Variants in DAB1 observed in about 807,000 individuals in gnomAD.
DAB1 encodes disabled homolog 1.
Under a neutral mutation model 64.6 loss-of-function variants are expected in DAB1, and 15 were observed. That is an observed-to-expected ratio of 0.23 (90% CI 0.16 to 0.36). DAB1 has a LOEUF of 0.36. Ranked by LOEUF, DAB1 falls within the 10% of genes least tolerant of loss-of-function variation. The pLI, the probability that DAB1 is intolerant of heterozygous loss-of-function variation, is 1.00. For synonymous variants in DAB1, 235 were observed against 251.9 expected, an observed-to-expected ratio of 0.93 and a Z score of 0.64; for missense variants, 596 against 706.7, an observed-to-expected ratio of 0.84 and a Z score of 1.78.
chr1:58,200,552 G>C (rs1657939326), intron 4 of DAB1, among the ~76,000 whole-genome samples: 1 of 152,142 alleles, frequency 6.6e-6, no homozygotes, highest in Admixed American at 6.6e-5. Flanking sequence ...TGAAGGTAAG[G>C]AGACAACAAG....
chr1:58,001,610 G>A (rs1646507919), intron 5 of DAB1, among the ~76,000 whole-genome samples: 1 of 152,132 alleles, frequency 6.6e-6, no homozygotes, highest in Non-Finnish European at 1.5e-5. Context: ...CAGCAGGTGA[G>A]GAAGTAAGCT....
At chr1:57,436,491 G>T (rs1272567971) in intron 7 of DAB1, among the ~76,000 whole-genome samples, 1 of 152,166 alleles carries the variant, frequency 6.6e-6, no homozygotes, top group Non-Finnish European at 1.5e-5. Context: ...ACCCTTGTGG[G>T]CACTATTCTA....
At chr1:57,289,661 C>T (rs1225693954) in intron 2 of DAB1, among the ~76,000 whole-genome samples, 2 of 152,096 alleles carry the variant, frequency 1.3e-5, no homozygotes, top group African/African-American at 2.4e-5. Context: ...CAGACAAATG[C>T]CATCACAAAA....
chr1:58,044,877 T>G (rs569196347), intron 5 of DAB1, among the ~76,000 whole-genome samples: 1 of 152,236 alleles, frequency 6.6e-6, no homozygotes, highest in African/African-American at 2.4e-5. Context: ...AACAAACCTA[T>G]AAGGCTGGTA....
intron 4 of DAB1, among the ~76,000 whole-genome samples, chr1:58,321,496 C>A (rs1662681655): frequency 6.6e-6 from 1 of 152,246 alleles, no homozygotes; most frequent in African/African-American, 2.4e-5. Context: ...CGGGAGATTT[C>A]CTTTTCCTAG....
At chr1:57,513,007 T>A (rs1366614273) in intron 7 of DAB1, among the ~76,000 whole-genome samples, 2 of 152,198 alleles carry the variant, frequency 1.3e-5, no homozygotes, top group Non-Finnish European at 2.9e-5. Context: ...TATTTTCTGA[T>A]TTGCTCCTGA....
intron 5 of DAB1, among the ~76,000 whole-genome samples, chr1:57,967,184 G>A (rs757558780): frequency 6.6e-6 from 1 of 152,190 alleles, no homozygotes; most frequent in Non-Finnish European, 1.5e-5. Context: ...CAGTGGGGCT[G>A]TCCAAGGTGC....
chr1:57,943,268 A>G (rs1645129925), intron 5 of DAB1, among the ~76,000 whole-genome samples: 1 of 152,216 alleles, frequency 6.6e-6, no homozygotes. Context: ...ATCAAGAAAC[A>G]ATGAACATAT....
chr1:57,477,894 G>A (rs931134395), intron 7 of DAB1, among the ~76,000 whole-genome samples: 1 of 152,062 alleles, frequency 6.6e-6, no homozygotes, highest in Admixed American at 6.5e-5. Flanking sequence ...TTCCCAGAAT[G>A]TTAGACTCTA....
chr1:57,827,014 G>T (rs1380893178), intron 1 of DAB1, among the ~76,000 whole-genome samples: 2 of 152,202 alleles, frequency 1.3e-5, no homozygotes, highest in African/African-American at 4.8e-5. Flanking sequence ...CTCTGGCTTT[G>T]ATTTTACGGT....
At chr1:57,850,578 A>C (rs1653476775) in intron 1 of DAB1, among the ~76,000 whole-genome samples, 1 of 152,092 alleles carries the variant, frequency 6.6e-6, no homozygotes, top group African/African-American at 2.4e-5. Context: ...ACTCCTGATC[A>C]TTAGTCGCTG....
chr1:57,504,273 T>C (rs1644320396), intron 7 of DAB1, among the ~76,000 whole-genome samples: 1 of 152,138 alleles, frequency 6.6e-6, no homozygotes, highest in Admixed American at 6.5e-5. Context: ...TTTGGAGAAA[T>C]AGCTAATTCT....
At chr1:57,727,757 C>CT (rs1252709798) in intron 6 of DAB1, among the ~76,000 whole-genome samples, 1 of 151,246 alleles carries the variant, frequency 6.6e-6, no homozygotes, top group African/African-American at 2.4e-5. Flanking sequence ...TCCTTCCTTC[C>CT]TCTCTTCCTC....
chr1:57,328,791 A>T (rs1290349107), intron 1 of DAB1, among the ~76,000 whole-genome samples: 2 of 152,170 alleles, frequency 1.3e-5, no homozygotes, highest in African/African-American at 2.4e-5. Flanking sequence ...CTGGCAAAAA[A>T]CTTTTGAGTT....
intron 2 of DAB1, among the ~76,000 whole-genome samples, chr1:57,216,341 CAATT>C (rs1282611403): frequency 6.6e-6 from 1 of 151,874 alleles, no homozygotes; most frequent in Admixed American, 6.6e-5. Flanking sequence ...AACAGGTAGT[CAATT>C]AAAGTAACTC....
intron 1 of DAB1, among the ~76,000 whole-genome samples, chr1:57,402,400 GCTTTTAC>G (rs1452844112): frequency 2.0e-5 from 3 of 152,128 alleles, no homozygotes; most frequent in Non-Finnish European, 2.9e-5. Context: ...ATAGCTTCAT[GCTTTTAC>G]AAAGATGTGA....
intron 4 of DAB1, among the ~76,000 whole-genome samples, chr1:57,073,978 G>A (rs1651751865): frequency 6.6e-6 from 1 of 152,160 alleles, no homozygotes; most frequent in South Asian, 2.1e-4. Flanking sequence ...CCGAGCTCAA[G>A]TGATCCTCTC....
intron 9 of DAB1, among the ~76,000 whole-genome samples, chr1:57,052,749 C>T (rs181029867): frequency 3.3e-5 from 5 of 152,270 alleles, no homozygotes; most frequent in Admixed American, 3.3e-4. Context: ...AGGGCAATCC[C>T]CTTCACGATA....
At chr1:57,439,430 T>TGTTTTTTTTTGTTTTTTG (rs1558381471) in intron 7 of DAB1, among the ~76,000 whole-genome samples, 1 of 129,464 alleles carries the variant, frequency 7.7e-6, no homozygotes, top group African/African-American at 3.1e-5. Flanking sequence ...TTTTTCTTTT[T>TGTTTTTTTTTGTTTTTTG]TTTTTTTTTT....
Sources: gnomAD v4.1 joint callset for allele counts (sites outside exome capture counted in the v4.1 genomes callset) on GRCh38, gnomAD v4.1.1 for gene constraint, MANE v1.5 for transcripts, NCBI Gene and HGNC (gene_info 2026-07-23, HGNC 2026-07-21) for gene names.